Variants in OCA2 observed in about 807,000 individuals in gnomAD.
The protein encoded by OCA2 is OCA2 melanosomal transmembrane protein, also known as P protein.
Under a neutral mutation model 100.2 loss-of-function variants are expected in OCA2, and 77 were observed. The ratio of observed to expected loss-of-function variants is 0.77; its 90% CI spans 0.64 to 0.93. OCA2 has a LOEUF of 0.93. OCA2 is among the 40% of genes least tolerant of loss of function. The pLI is 0.00. For missense variants in OCA2, 1,062 were observed against 1,089.1 expected, an observed-to-expected ratio of 0.98 and a Z score of 0.35; for synonymous variants, 432 against 439.2, an observed-to-expected ratio of 0.98 and a Z score of 0.21.
At chr15:27,771,438 T>G (rs904983825) in intron 23 of OCA2, among the ~76,000 whole-genome samples, 16 of 136,370 alleles carry the variant, frequency 1.2e-4, no homozygotes, top group African/African-American at 4.5e-4. Context: ...GGGCCGCCCC[T>G]CCGTGTGCTC....
intron 23 of OCA2, among the ~76,000 whole-genome samples, chr15:27,804,200 C>T (rs1285433663): frequency 6.6e-6 from 1 of 152,168 alleles, no homozygotes; most frequent in African/African-American, 2.4e-5. Context: ...CGCTAACAAA[C>T]CACAAGTACA....
At chr15:28,000,765 C>T (rs1400520707) in intron 9 of OCA2, among the ~76,000 whole-genome samples, 1 of 151,822 alleles carries the variant, frequency 6.6e-6, no homozygotes, top group African/African-American at 2.4e-5. Context: ...GAATCAAGAG[C>T]AAAAAAATCA....
intron 18 of OCA2, among the ~76,000 whole-genome samples, chr15:27,941,142 G>A (rs2039632508): frequency 1.3e-5 from 2 of 152,084 alleles, no homozygotes. Flanking sequence ...ATGCTAAGGG[G>A]AAAATATAAT....
At chr15:27,805,455 G>A (rs368023985) in intron 23 of OCA2, among the ~76,000 whole-genome samples, 6 of 152,328 alleles carry the variant, frequency 3.9e-5, no homozygotes, top group African/African-American at 1.4e-4. Context: ...GCGGGGACCC[G>A]GTGTAAAACG....
intron 2 of OCA2, among the ~76,000 whole-genome samples, chr15:28,077,784 T>G (rs1179262157): frequency 6.6e-6 from 1 of 152,200 alleles, no homozygotes; most frequent in Non-Finnish European, 1.5e-5. Context: ...CATGGGCAAT[T>G]AGAAATGCTG....
chr15:27,896,272 T>G, intron 19 of OCA2: 3 of 1,113,884 alleles, frequency 2.7e-6, no homozygotes, highest in Non-Finnish European at 4.1e-6. Context: ...AATGCAGAAG[T>G]ACACCGGAAG....
chr15:27,722,822 C>CTCTT, the OCA2 span, among the ~76,000 whole-genome samples: 50 of 145,356 alleles, frequency 3.4e-4, no homozygotes, highest in Non-Finnish European at 6.4e-4. Context: ...CTTTCTCTCT[C>CTCTT]TCTCTCTCTT....
At chr15:28,044,702 C>T (rs1185717676) in intron 2 of OCA2, among the ~76,000 whole-genome samples, 1 of 152,154 alleles carries the variant, frequency 6.6e-6, no homozygotes, top group African/African-American at 2.4e-5. Context: ...TTACTAAGTC[C>T]ATATGCACTG....
At chr15:28,074,480 CT>C (rs2044364161) in intron 2 of OCA2, among the ~76,000 whole-genome samples, 1 of 152,130 alleles carries the variant, frequency 6.6e-6, no homozygotes, top group Non-Finnish European at 1.5e-5. Flanking sequence ...CGAGACCATC[CT>C]GGCGAACATG....
intron 15 of OCA2, among the ~76,000 whole-genome samples, chr15:27,964,325 A>C (rs1306912981): frequency 1.3e-5 from 2 of 152,268 alleles, no homozygotes; most frequent in Non-Finnish European, 2.9e-5. Context: ...TAAACAAAGT[A>C]TTAGCAAGAA....
At chr15:27,756,930 C>T (rs2030423970) in intron 23 of OCA2, among the ~76,000 whole-genome samples, 1 of 152,218 alleles carries the variant, frequency 6.6e-6, no homozygotes, top group Non-Finnish European at 1.5e-5. Context: ...GGCACCAACG[C>T]AGAGAAGGAG....
At position 28,081,674 on chromosome 15, in the gene OCA2, CT is replaced by C; in HGVS notation, c.200del (p.Glu67GlyfsTer35). On this transcript the variant is annotated frameshift_variant, in exon 2 of 24. Coordinates refer to ENST00000354638, the MANE Select transcript of OCA2 (RefSeq NM_000275.3). LOFTEE classifies it high-confidence loss of function. ...TCCCTTTTGTGAGGAATGAAGCAAA[CT>C]CCTGGCCTGCAGGAGCCCAAGAGCT... ...GQSSWAPAGQ[E>X]FASFLTKGRS... 1 of 1,613,824 alleles carries C rather than the reference CT, an allele frequency of 6.2e-7. No individual in the cohort carries two copies. Among genetic ancestry groups the C allele is most frequent in the Non-Finnish European group, 8.5e-7 (1 of 1,180,018 alleles).
intron 19 of OCA2, among the ~76,000 whole-genome samples, chr15:27,904,535 C>T (rs1437838667): frequency 6.6e-6 from 1 of 152,104 alleles, no homozygotes; most frequent in Non-Finnish European, 1.5e-5. Context: ...CCTACCTGGG[C>T]CAGCTCAGTG....
At chr15:28,051,441 C>T (rs867511157) in intron 2 of OCA2, among the ~76,000 whole-genome samples, 4 of 152,008 alleles carry the variant, frequency 2.6e-5, no homozygotes, top group African/African-American at 7.2e-5. Context: ...TACAAGCATG[C>T]GCTACCACGT....
chr15:27,922,067 C>T (rs1266252423), intron 19 of OCA2, among the ~76,000 whole-genome samples: 1 of 152,140 alleles, frequency 6.6e-6, no homozygotes, highest in Admixed American at 6.5e-5. Flanking sequence ...TTTATCGATA[C>T]CATAAGTTTA....
At chr15:27,728,475 C>T in the OCA2 span, among the ~76,000 whole-genome samples, 1 of 152,034 alleles carries the variant, frequency 6.6e-6, no homozygotes, top group Non-Finnish European at 1.5e-5. Flanking sequence ...GGGGGTCCAT[C>T]AGCCTTCTTT....
intron 19 of OCA2, among the ~76,000 whole-genome samples, chr15:27,882,118 C>T (rs2037044064): frequency 6.6e-6 from 1 of 152,050 alleles, no homozygotes; most frequent in African/African-American, 2.4e-5. Flanking sequence ...CATTATTTAC[C>T]CAGGAGTCAT....
At chr15:27,826,027 T>C (rs17747098) in intron 23 of OCA2, among the ~76,000 whole-genome samples, 1 of 152,088 alleles carries the variant, frequency 6.6e-6, no homozygotes, top group Non-Finnish European at 1.5e-5. Flanking sequence ...TTGCAGAGAA[T>C]GCCAGCTAGA....
At chr15:28,008,421 G>A (rs1213185120) in intron 9 of OCA2, among the ~76,000 whole-genome samples, 1 of 152,192 alleles carries the variant, frequency 6.6e-6, no homozygotes, top group African/African-American at 2.4e-5. Flanking sequence ...ATTTAAAGGT[G>A]TTTGTTTTTA....
Sources: allele counts gnomAD v4.1 joint callset (sites outside exome capture counted in the v4.1 genomes callset), GRCh38; gene constraint gnomAD v4.1.1; transcripts MANE v1.5; gene names NCBI Gene and HGNC (gene_info 2026-07-23, HGNC 2026-07-21).